Variants in SCARA5 observed in about 807,000 individuals in gnomAD.
SCARA5 encodes scavenger receptor class A member 5, also known as scavenger receptor class A, member 5 (putative).
Under a neutral mutation model 46.3 loss-of-function variants are expected in SCARA5, and 45 were observed. That is an observed-to-expected ratio of 0.97 (90% CI 0.76 to 1.24). The LOEUF (loss-of-function observed/expected upper bound fraction) is 1.24. Among genes scored for constraint, SCARA5 ranks in the 50% most tolerant of loss-of-function variants. SCARA5 has a pLI of 0.00. For missense variants in SCARA5, 680 were observed against 689.0 expected (o/e 0.99, Z 0.15); for synonymous variants, 333 against 306.5 (o/e 1.09, Z -0.90).
At chr8:27,944,600 G>A (rs1808003189) in intron 3 of SCARA5, among the ~76,000 whole-genome samples, 1 of 151,932 alleles carries the variant, frequency 6.6e-6, no homozygotes, top group Non-Finnish European at 1.5e-5. Flanking sequence ...GGTGGCTCAT[G>A]CCTGTAATCC....
At chr8:27,873,657 C>T (rs1326755938) in intron 8 of SCARA5, among the ~76,000 whole-genome samples, 2 of 152,062 alleles carry the variant, frequency 1.3e-5, no homozygotes, top group African/African-American at 4.8e-5. Flanking sequence ...TCTTTTCTGA[C>T]TCAACCCGCC....
At chr8:27,894,457 C>T (rs1443248614) in intron 7 of SCARA5, among the ~76,000 whole-genome samples, 1 of 152,228 alleles carries the variant, frequency 6.6e-6, no homozygotes, top group Non-Finnish European at 1.5e-5. Flanking sequence ...GAGTCTTAGA[C>T]TGAAAGCAGT....
At position 27,991,994 on chromosome 8, in the gene SCARA5, T is replaced by G. The variant is rs147615338; in HGVS notation, c.-16+263A>C. On this transcript the variant is annotated intron_variant, in intron 1 of 8. Transcript: ENST00000354914. ...GAGCTGTGACATGAGTCAGGTGGAG[T>G]AGCCACCAAGGCAATAGCTTCCCTC... 1.2e-3 allele frequency among the ~76,000 whole-genome samples: 177 copies of G among 151,756 alleles called. 2 individuals carry two copies. Among genetic ancestry groups the G allele is most frequent in the Non-Finnish European group, 1.6e-4 (11 of 67,894 alleles).
chr8:27,882,493 A>C (rs1806827031), intron 7 of SCARA5, among the ~76,000 whole-genome samples: 1 of 152,090 alleles, frequency 6.6e-6, no homozygotes, highest in Non-Finnish European at 1.5e-5. Context: ...GGTGTAGGAG[A>C]AATAGGAAGC....
intron 5 of SCARA5, among the ~76,000 whole-genome samples, chr8:27,908,667 A>T (rs1323624592): frequency 6.6e-6 from 1 of 152,094 alleles, no homozygotes; most frequent in African/African-American, 2.4e-5. Flanking sequence ...CCAGAGTCCA[A>T]CAGCTCCACT....
chr8:27,933,150 G>C (rs1563530720), intron 3 of SCARA5, among the ~76,000 whole-genome samples: 2 of 152,244 alleles, frequency 1.3e-5, no homozygotes, highest in South Asian at 2.1e-4. Flanking sequence ...TGCCCTCTTG[G>C]GCTGCAGGCG....
At chr8:27,899,483 G>A (rs989192387) in intron 7 of SCARA5, among the ~76,000 whole-genome samples, 5 of 152,244 alleles carry the variant, frequency 3.3e-5, no homozygotes, top group African/African-American at 1.2e-4. Flanking sequence ...GAAGGAGCAG[G>A]AGCAGAAGAG....
chr8:27,912,888 G>A (rs1213174815), intron 4 of SCARA5, among the ~76,000 whole-genome samples: 1 of 152,232 alleles, frequency 6.6e-6, no homozygotes, highest in Non-Finnish European at 1.5e-5. Flanking sequence ...TATGGATATT[G>A]AGTCTTGGGT....
At chr8:27,988,795 A>G (rs991849816) in intron 1 of SCARA5, among the ~76,000 whole-genome samples, 3 of 152,164 alleles carry the variant, frequency 2.0e-5, no homozygotes, top group Non-Finnish European at 4.4e-5. Context: ...CTCTTTAACT[A>G]TCTGGACATT....
intron 3 of SCARA5, among the ~76,000 whole-genome samples, chr8:27,946,793 C>A (rs941705176): frequency 1.3e-5 from 2 of 152,122 alleles, no homozygotes; most frequent in Non-Finnish European, 2.9e-5. Flanking sequence ...TGGAATGCCC[C>A]CCTTTCTGAT....
chr8:27,969,969 C>T (rs114285888), intron 2 of SCARA5, among the ~76,000 whole-genome samples: 2,258 of 152,302 alleles, frequency 0.015, 25 homozygotes, highest in African/African-American at 0.024. Flanking sequence ...ACGATCCCAG[C>T]ACCTTCTGCA....
intron 5 of SCARA5, among the ~76,000 whole-genome samples, chr8:27,908,279 T>C (rs2129765846): frequency 6.6e-6 from 1 of 152,358 alleles, no homozygotes; most frequent in South Asian, 2.1e-4. Flanking sequence ...AGTAAATGGA[T>C]GGCCTGCTGC....
At chr8:27,973,640 T>G (rs1327449878) in intron 2 of SCARA5, among the ~76,000 whole-genome samples, 1 of 152,176 alleles carries the variant, frequency 6.6e-6, no homozygotes. Flanking sequence ...ATGGAGCTTC[T>G]TAGTCATACC....
chr8:27,937,749 C>T (rs1027095449), intron 3 of SCARA5, among the ~76,000 whole-genome samples: 1 of 152,172 alleles, frequency 6.6e-6, no homozygotes, highest in East Asian at 1.9e-4. Context: ...CTCCTTGGCT[C>T]GTAGATGGCT....
chr8:27,895,279 C>T (rs1451006413), intron 7 of SCARA5, among the ~76,000 whole-genome samples: 1 of 152,186 alleles, frequency 6.6e-6, no homozygotes, highest in African/African-American at 2.4e-5. Context: ...AAAGAAAGAA[C>T]TCCCCGTGCC....
At chr8:27,913,540 A>G (rs1420069697) in intron 4 of SCARA5, among the ~76,000 whole-genome samples, 1 of 152,128 alleles carries the variant, frequency 6.6e-6, no homozygotes, top group Non-Finnish European at 1.5e-5. Flanking sequence ...AGCTACATGC[A>G]TCTGTGATTC....
intron 3 of SCARA5, among the ~76,000 whole-genome samples, chr8:27,954,324 C>A (rs1298356721): frequency 6.6e-6 from 1 of 152,130 alleles, no homozygotes; most frequent in Non-Finnish European, 1.5e-5. Flanking sequence ...TTATGAACAA[C>A]CCCAACAACA....
chr8:27,985,296 G>A lies in SCARA5; in HGVS notation c.112+2208C>T, dbSNP rs143851151. ...GTGAGAGCATGGACCAAGTGGGAGG[G>A]GGCAGTAATGCACACTGGGGGATGC... On this transcript the variant is annotated intron_variant, in intron 2 of 8. Transcript: ENST00000354914. 5.3e-3 allele frequency among the ~76,000 whole-genome samples: 811 copies of A among 152,172 alleles called. 7 individuals are homozygous for A. The highest frequency in any genetic ancestry group is 0.018 in the African/African-American group (759 of 41,508).
intron 3 of SCARA5, among the ~76,000 whole-genome samples, chr8:27,931,462 C>T (rs1482141970): frequency 6.6e-6 from 1 of 152,088 alleles, no homozygotes; most frequent in Admixed American, 6.5e-5. Context: ...CCCCTCCTCT[C>T]TATCCCCAGT....
Sources: allele counts gnomAD v4.1 joint callset (sites outside exome capture counted in the v4.1 genomes callset), GRCh38; gene constraint gnomAD v4.1.1; transcripts MANE v1.5; gene names NCBI Gene and HGNC (gene_info 2026-07-23, HGNC 2026-07-21).